The following FOXN2 variants were observed in gnomAD, a reference collection of about 807,000 sequenced individuals.
FOXN2 encodes the protein forkhead box N2.
In FOXN2, 19 loss-of-function variants were observed where a neutral mutation model predicts 41.2. The observed-to-expected ratio is 0.46, with a 90% CI of 0.32 to 0.68. The LOEUF (loss-of-function observed/expected upper bound fraction) is 0.68, where lower values mean the gene tolerates loss of function less well. FOXN2 is among the 30% of genes least tolerant of loss of function. FOXN2 has a pLI of 0.03. For missense variants in FOXN2, 587 were observed against 509.4 expected (o/e 1.15, Z -1.47); for synonymous variants, 195 against 176.8 (o/e 1.10, Z -0.82).
intron 1 of FOXN2, among the ~76,000 whole-genome samples, chr2:48,317,715 C>G (rs1228445905): frequency 7.5e-6 from 1 of 133,006 alleles, no homozygotes; most frequent in Non-Finnish European, 1.5e-5. Flanking sequence ...TCAAGTGATT[C>G]TCCTGTCTCA....
chr2:48,323,164 GT>G (rs574899580), intron 1 of FOXN2, among the ~76,000 whole-genome samples: 51 of 147,216 alleles, frequency 3.5e-4, no homozygotes, highest in South Asian at 1.5e-3. Context: ...TAAATATTCT[GT>G]TTTTTTTTTA....
intron 4 of FOXN2, among the ~76,000 whole-genome samples, chr2:48,362,080 CA>C (rs1420182756): frequency 6.6e-6 from 1 of 152,164 alleles, no homozygotes; most frequent in Admixed American, 6.6e-5. Flanking sequence ...TCCTATTTTA[CA>C]GATGAAGAAG....
chr2:48,324,226 G>A (rs529800373), intron 1 of FOXN2, among the ~76,000 whole-genome samples: 2 of 103,786 alleles, frequency 1.9e-5, no homozygotes, highest in African/African-American at 7.3e-5. Flanking sequence ...ACAGAGTTTC[G>A]CTCTGTCTCC....
intron 3 of FOXN2, among the ~76,000 whole-genome samples, chr2:48,351,269 A>G (rs1428676039): frequency 1.4e-5 from 2 of 147,936 alleles, no homozygotes; most frequent in African/African-American, 2.5e-5. Flanking sequence ...GCCAAAGTTG[A>G]ATCCAATGTT....
intron 3 of FOXN2, among the ~76,000 whole-genome samples, chr2:48,348,559 G>A (rs72820415): frequency 0.11 from 17,370 of 152,170 alleles, 1,443 homozygotes; most frequent in East Asian, 0.45. Context: ...ATCAGACATT[G>A]CAAAAGAATG....
In FOXN2 at chr2:48,359,141, C is replaced by T; in HGVS notation, c.632C>T (p.Ser211Leu). The change falls in exon 4 of 7, where the codon TCA (serine) becomes TTA (leucine). Residue 211 changes from serine to leucine, a missense_variant. Ser to Leu is a moderately radical substitution (Grantham distance 145). Transcript: ENST00000340553. ...LKKQPFSSASSQNGSLSPHYL... is the reference protein window; with the variant it reads ...LKKQPFSSASLQNGSLSPHYL... Reference sequence around the variant, plus strand: ...AAGCAACCTTTTTCTTCAGCATCTTCACAAAAGTAAGGATCTTCCATATAA... The same window carrying T: ...AAGCAACCTTTTTCTTCAGCATCTTTACAAAAGTAAGGATCTTCCATATAA... 6.2e-7 allele frequency: 1 copy of T among 1,611,780 alleles called. No homozygotes were observed. The highest frequency in any genetic ancestry group is 2.2e-5 in the East Asian group (1 of 44,776).
At chr2:48,314,238 G>C (rs1477174149), upstream of FOXN2, among the ~76,000 whole-genome samples, 4 of 152,376 alleles carry the variant, frequency 2.6e-5, no homozygotes, top group East Asian at 5.8e-4. Flanking sequence ...ACTGCCCTGC[G>C]GCAGCCTAGC....
chr2:48,369,229 T>C (rs1227446242), intron 5 of FOXN2, among the ~76,000 whole-genome samples: 1 of 152,174 alleles, frequency 6.6e-6, no homozygotes, highest in African/African-American at 2.4e-5. Flanking sequence ...TGAATCATAA[T>C]GGATGTTTGT....
chr2:48,326,184 TAATA>T (rs1183018432), intron 1 of FOXN2, among the ~76,000 whole-genome samples: 1 of 152,060 alleles, frequency 6.6e-6, no homozygotes, highest in African/African-American at 2.4e-5. Context: ...GTGGTGTGAA[TAATA>T]AATAGCAGTT....
At chr2:48,366,192 A>T (rs1311166512) in intron 5 of FOXN2, among the ~76,000 whole-genome samples, 1 of 152,100 alleles carries the variant, frequency 6.6e-6, no homozygotes, top group Non-Finnish European at 1.5e-5. Flanking sequence ...CCCCATCTCT[A>T]CTAAAAATAC....
At position 48,376,437 on chromosome 2, in the gene FOXN2, TTC is replaced by T. The variant is rs1673252576; in HGVS notation, c.*996_*997del. On this transcript the variant is annotated 3_prime_UTR_variant, in exon 7 of 7. Coordinates refer to ENST00000340553, the MANE Select transcript of FOXN2 (RefSeq NM_002158.4). ...TAAAGTAGGTCATTTAGGAAAAAACTTCTGTCCAAGCTTTGTATGAATTAAAT... is the reference window on the plus strand; with the variant it reads ...TAAAGTAGGTCATTTAGGAAAAAACTTGTCCAAGCTTTGTATGAATTAAAT... 1 of 152,358 alleles carries T rather than the reference TTC, an allele frequency of 6.6e-6. No individual in the cohort carries two copies. The highest frequency in any genetic ancestry group is 6.5e-5 in the Admixed American group (1 of 15,268). 9.4% of individuals were successfully genotyped at this position (152,358 alleles called of 1,614,324 possible). A position where few individuals can be genotyped will look rare whatever the true frequency, so the allele number is the denominator to read the frequency against.
At chr2:48,318,131 T>C (rs1473259529) in intron 1 of FOXN2, among the ~76,000 whole-genome samples, 1 of 152,178 alleles carries the variant, frequency 6.6e-6, no homozygotes, top group African/African-American at 2.4e-5. Context: ...GTATACAGAG[T>C]ATACCTCACC....
At chr2:48,366,144 A>T (rs757396761) in intron 5 of FOXN2, among the ~76,000 whole-genome samples, 8 of 151,970 alleles carry the variant, frequency 5.3e-5, no homozygotes, top group South Asian at 2.1e-4. Context: ...ATCACATGAG[A>T]TCAAGAGTTC....
intron 4 of FOXN2, among the ~76,000 whole-genome samples, chr2:48,360,341 G>C (rs1018990619): frequency 1.3e-5 from 2 of 152,090 alleles, no homozygotes; most frequent in Admixed American, 1.3e-4. Context: ...TTTTAATAAA[G>C]TAATAAATGG....
intron 2 of FOXN2, among the ~76,000 whole-genome samples, chr2:48,330,535 C>G (rs749957721): frequency 9.9e-5 from 15 of 152,066 alleles, no homozygotes; most frequent in Admixed American, 7.2e-4. Flanking sequence ...TTATCTTAGC[C>G]TCAGTCAATT....
intron 3 of FOXN2, among the ~76,000 whole-genome samples, chr2:48,358,227 A>C (rs560788337): frequency 4.5e-4 from 69 of 152,070 alleles, no homozygotes; most frequent in African/African-American, 1.6e-3. Context: ...GAGTAGGAAC[A>C]TACTATTATT....
intron 1 of FOXN2, among the ~76,000 whole-genome samples, chr2:48,319,956 A>T (rs1028727150): frequency 6.6e-6 from 1 of 151,810 alleles, no homozygotes; most frequent in African/African-American, 2.4e-5. Flanking sequence ...ATTTTGCATT[A>T]TACAGGGTTA....
At chr2:48,336,042 T>A (rs1164850117) in intron 2 of FOXN2, among the ~76,000 whole-genome samples, 34 of 136,886 alleles carry the variant, frequency 2.5e-4, no homozygotes, top group Non-Finnish European at 3.9e-4. Context: ...AAAAAAAAAA[T>A]AATAAAATAA....
chr2:48,379,078 A>G lies in FOXN2; in HGVS notation c.*3635A>G, dbSNP rs995357486. On this transcript the variant is annotated 3_prime_UTR_variant, in exon 7 of 7. Transcript: ENST00000340553. Reference sequence around the variant, plus strand: ...ATCCTCTTTTCTGATGTAGCATAAAAATTGTCCCGGTTTGAGTTATAACTG... The same window carrying G: ...ATCCTCTTTTCTGATGTAGCATAAAGATTGTCCCGGTTTGAGTTATAACTG... The G allele has an allele frequency of 6.6e-6, 1 of 152,590 alleles. No homozygotes were observed. Among genetic ancestry groups the G allele is most frequent in the African/African-American group, 2.4e-5 (1 of 41,442 alleles). 9.5% of individuals were successfully genotyped at this position (152,590 alleles called of 1,614,324 possible).
Sources: allele counts gnomAD v4.1 joint callset (sites outside exome capture counted in the v4.1 genomes callset), GRCh38; gene constraint gnomAD v4.1.1; transcripts MANE v1.5; gene names NCBI Gene and HGNC (gene_info 2026-07-23, HGNC 2026-07-21).